The following ASCC3 variants were observed in gnomAD, a reference collection of about 807,000 sequenced individuals.
The protein encoded by ASCC3 is ASC-1 complex subunit P200.
Under a neutral mutation model 256.3 loss-of-function variants are expected in ASCC3, and 158 were observed. The ratio of observed to expected loss-of-function variants is 0.62; its 90% confidence interval spans 0.54 to 0.70. The LOEUF (loss-of-function observed/expected upper bound fraction) is 0.70, where lower values mean the gene tolerates loss of function less well. Ranked by LOEUF, ASCC3 falls within the 30% of genes least tolerant of loss-of-function variation. The pLI is 0.00. For missense variants in ASCC3, 2,259 were observed against 2,626.0 expected (o/e 0.86, Z 3.05); for synonymous variants, 948 against 883.4 (o/e 1.07, Z -1.30).
At chr6:100,581,229 G>A (rs1221136017) in intron 36 of ASCC3, among the ~76,000 whole-genome samples, 1 of 152,100 alleles carries the variant, frequency 6.6e-6, no homozygotes, top group Non-Finnish European at 1.5e-5. Context: ...ATCTCCACAT[G>A]TTCTCCAGCA....
intron 37 of ASCC3, chr6:100,530,256 G>C: frequency 1.0e-6 from 1 of 997,926 alleles, no homozygotes. Context: ...GAGGAGGGGA[G>C]AGGCCTGGAG....
chr6:100,593,298 C>T (rs1156284966), intron 34 of ASCC3, among the ~76,000 whole-genome samples: 1 of 152,092 alleles, frequency 6.6e-6, no homozygotes, highest in Non-Finnish European at 1.5e-5. Flanking sequence ...CACAAGCTAA[C>T]TTCTATTAGC....
intron 3 of ASCC3, among the ~76,000 whole-genome samples, chr6:100,854,858 C>G (rs928239578): frequency 1.3e-5 from 2 of 152,110 alleles, no homozygotes; most frequent in Admixed American, 6.6e-5. Context: ...TGAGATTTAA[C>G]TTCCATTTTA....
intron 25 of ASCC3, among the ~76,000 whole-genome samples, chr6:100,636,097 T>C (rs1457087004): frequency 6.6e-6 from 1 of 152,210 alleles, no homozygotes; most frequent in Non-Finnish European, 1.5e-5. Flanking sequence ...TATCCTAATA[T>C]GGGCATAGCT....
rs376597148 is a variant in ASCC3, at chr6:100,818,971, G to A, written c.802-13091C>T. Among the ~76,000 whole-genome samples, 81 of 152,220 alleles carry A rather than the reference G, an allele frequency of 5.3e-4. No individual in the cohort carries two copies. The East Asian group carries it at 0.014, about 26-fold the overall frequency. ...GAAAATGTGGCACATATACACCATG[G>A]AATACTATGCAGCCATAAAAAGGAT... On this transcript the variant is annotated intron_variant, in intron 4 of 41. Coordinates refer to ENST00000369162, the MANE Select transcript of ASCC3 (RefSeq NM_006828.4).
chr6:100,604,605 CTT>C (rs879738664), intron 33 of ASCC3, among the ~76,000 whole-genome samples: 1 of 145,200 alleles, frequency 6.9e-6, no homozygotes, highest in African/African-American at 2.5e-5. Context: ...GCCTGGCTAA[CTT>C]TTTTTTTTTT....
rs564891392 is a variant in ASCC3 at position 100,621,661 on chromosome 6, A to G, written c.4785+3531T>C. On this transcript the variant is annotated intron_variant, in intron 30 of 41. Transcript: ENST00000369162. ...GGTGAGAATGTAAATTAGTTCAACC[A>G]TTGTGGAAGACCGTGTGGCAATTCC... 8.4e-4 allele frequency among the ~76,000 whole-genome samples: 128 copies of G among 152,328 alleles called. 1 individual carries two copies. The highest frequency in any genetic ancestry group is 3.4e-3 in the Middle Eastern group (1 of 294).
In ASCC3 at chr6:100,627,660, A is replaced by G; in HGVS notation, c.4572T>C (p.Val1524=). 1.9e-6 allele frequency: 3 copies of G among 1,613,638 alleles called. No individual in the cohort carries two copies. Among genetic ancestry groups the G allele is most frequent in the Non-Finnish European group, 2.5e-6 (3 of 1,179,774 alleles). Residue 1524 remains valine, a synonymous_variant, in exon 29 of 42, where the codon GTT becomes GTC. Transcript: ENST00000369162. ...RPSVRPVPLE[V]HIQGFPGQHY... is the part of the protein sequence containing the mutation. ...GTTGACCTGGAAAGCCTTGAATGTG[A>G]ACTTCCAGTGGAACTGGGCGTACTG...
Position 100,642,733 on chromosome 6 carries a change from G to A in ASCC3, c.3749C>T (p.Ala1250Val), listed in dbSNP as rs762055081. 24 of 1,613,210 alleles carry A rather than the reference G, an allele frequency of 1.5e-5. No individual in the cohort carries two copies. Among genetic ancestry groups the A allele is most frequent in the Non-Finnish European group, 1.8e-5 (21 of 1,179,416 alleles). Residue 1250 changes from alanine to valine, a missense_variant, in exon 24 of 42, where the codon GCC becomes GTC. Ala to Val is a moderately conservative substitution (Grantham distance 64). Coordinates refer to ENST00000369162, the MANE Select transcript of ASCC3 (RefSeq NM_006828.4). ...AGGGATTGTAAATACCAGTAGTTGG[G>A]CTTCTTTACTAATGACCTAATATGA... is the stretch of plus-strand genomic sequence containing the variant. ...ALKKQVISKEAQLLVFTIPIF... is the reference protein window; with the variant it reads ...ALKKQVISKEVQLLVFTIPIF...
chr6:100,715,592 CA>C (rs1266047530), intron 12 of ASCC3, 59 bp from the exon 13 acceptor site: 7 of 1,491,046 alleles, frequency 4.7e-6, no homozygotes, highest in African/African-American at 2.8e-5. Context: ...TTTCTAACTA[CA>C]AATAAAATTT....
chr6:100,608,063 T>TATATATACATATATGTATATATCG (rs1773005580), intron 30 of ASCC3, among the ~76,000 whole-genome samples: 1 of 102,484 alleles, frequency 9.8e-6, no homozygotes, highest in Non-Finnish European at 1.9e-5. Flanking sequence ...TATATACACA[T>TATATATACATATATGTATATATCG]ATATATACAT....
At chr6:100,766,126 TAA>T (rs1781645312) in intron 10 of ASCC3, among the ~76,000 whole-genome samples, 4 of 152,216 alleles carry the variant, frequency 2.6e-5, no homozygotes, top group African/African-American at 9.6e-5. Flanking sequence ...CATGATTTAA[TAA>T]TAATAACTTT....
chr6:100,531,033 C>T, intron 37 of ASCC3: 1 of 1,585,652 alleles, frequency 6.3e-7, no homozygotes, highest in Admixed American at 1.7e-5. Flanking sequence ...ACTGCTGGGA[C>T]AAAAAGTACA....
At chr6:100,791,677 C>T (rs1304367750) in intron 8 of ASCC3, among the ~76,000 whole-genome samples, 1 of 151,970 alleles carries the variant, frequency 6.6e-6, no homozygotes, top group Admixed American at 6.6e-5. Context: ...ACAGCGTTAG[C>T]TGTCCACACA....
At chr6:100,809,477 T>A (rs1008841897) in intron 4 of ASCC3, among the ~76,000 whole-genome samples, 1 of 152,112 alleles carries the variant, frequency 6.6e-6, no homozygotes, top group Non-Finnish European at 1.5e-5. Flanking sequence ...ATTTTTCAGT[T>A]CTATTATAAT....
At chr6:100,750,034 T>C (rs1469897365) in intron 10 of ASCC3, among the ~76,000 whole-genome samples, 1 of 151,924 alleles carries the variant, frequency 6.6e-6, no homozygotes, top group Non-Finnish European at 1.5e-5. Flanking sequence ...AAATTTGCGG[T>C]TCTATTGCAG....
chr6:100,830,000 C>T (rs1771543477), intron 4 of ASCC3, among the ~76,000 whole-genome samples: 1 of 151,932 alleles, frequency 6.6e-6, no homozygotes. Flanking sequence ...GTGTCTACAA[C>T]CAGATGATTC....
intron 8 of ASCC3, among the ~76,000 whole-genome samples, chr6:100,793,849 C>G (rs1287957064): frequency 6.6e-6 from 1 of 151,978 alleles, no homozygotes; most frequent in African/African-American, 2.4e-5. Flanking sequence ...TCCTAACTAA[C>G]ACTTGCTCCT....
At chr6:100,842,747 G>A (rs1176024831) in intron 4 of ASCC3, among the ~76,000 whole-genome samples, 1 of 152,088 alleles carries the variant, frequency 6.6e-6, no homozygotes, top group African/African-American at 2.4e-5. Context: ...GTGGTGAGAG[G>A]ATCACTTGAG....
Sources: gnomAD v4.1 joint callset for allele counts (sites outside exome capture counted in the v4.1 genomes callset) on GRCh38, gnomAD v4.1.1 for gene constraint, MANE v1.5 for transcripts, NCBI Gene and HGNC (gene_info 2026-07-23, HGNC 2026-07-21) for gene names.